Variants in LRMDA observed in about 807,000 individuals in gnomAD.
LRMDA encodes the protein leucine-rich melanocyte differentiation-associated protein.
In LRMDA, 18 loss-of-function variants were observed where a neutral mutation model predicts 29.8. The observed-to-expected ratio is 0.60, with a 90% CI of 0.42 to 0.90. LRMDA has a LOEUF of 0.90. Among genes scored for constraint, LRMDA ranks in the 40% least tolerant of loss-of-function variants. LRMDA has a pLI of 0.00. For synonymous variants in LRMDA, 125 were observed against 109.4 expected (o/e 1.14, Z -0.89); for missense variants, 273 against 273.9 (o/e 1.00, Z 0.02).
intron 2 of LRMDA, among the ~76,000 whole-genome samples, chr10:75,942,067 A>G (rs1356515743): frequency 6.6e-6 from 1 of 152,074 alleles, no homozygotes; most frequent in Non-Finnish European, 1.5e-5. Context: ...CTAACATGTC[A>G]TCCTGCCAGT....
chr10:75,804,311 T>C (rs1006953469), intron 2 of LRMDA, among the ~76,000 whole-genome samples: 6 of 152,248 alleles, frequency 3.9e-5, no homozygotes, highest in African/African-American at 1.4e-4. Flanking sequence ...CCTTGTGGAC[T>C]TGAGCGATGG....
At chr10:76,428,362 CT>C (rs1342682971) in intron 6 of LRMDA, among the ~76,000 whole-genome samples, 2 of 152,096 alleles carry the variant, frequency 1.3e-5, no homozygotes, top group Non-Finnish European at 2.9e-5. Flanking sequence ...GACCTTCATC[CT>C]TGATGCTGGC....
intron 2 of LRMDA, among the ~76,000 whole-genome samples, chr10:75,636,603 CT>C: frequency 6.6e-6 from 1 of 151,652 alleles, no homozygotes; most frequent in East Asian, 1.9e-4. Flanking sequence ...AAAAATTAAG[CT>C]TTTTTGATGA....
Position 76,084,364 on chromosome 10 carries a change from A to ATTTT in LRMDA, c.516+25609_516+25612dup, listed in dbSNP as rs71024586. Among the ~76,000 whole-genome samples the ATTTT allele has an allele frequency of 2.8e-3, 199 of 70,936 alleles. 6 individuals carry two copies. Among genetic ancestry groups the ATTTT allele is most frequent in the Non-Finnish European group, 3.3e-3 (129 of 38,668 alleles). The allele number at this position is 70,936 out of a possible 152,430, so 46.5% of individuals were successfully genotyped here. A position where few individuals can be genotyped will look rare whatever the true frequency, so the allele number is the denominator to read the frequency against. On this transcript the variant is annotated intron_variant, in intron 5 of 6. Coordinates refer to ENST00000611255, the MANE Select transcript of LRMDA (RefSeq NM_001305581.2). ...GGGTATGTGCCACTGCGCCCAGCTA[A>ATTTT]TTTTTTTTTTTTTTTTTTTTTTTTT...
intron 3 of LRMDA, among the ~76,000 whole-genome samples, chr10:76,044,337 G>A (rs1282625639): frequency 6.6e-6 from 1 of 152,168 alleles, no homozygotes; most frequent in African/African-American, 2.4e-5. Flanking sequence ...GGTATTGGAA[G>A]GGGACTTAGG....
At chr10:75,828,883 C>G (rs1389641824) in intron 2 of LRMDA, among the ~76,000 whole-genome samples, 1 of 152,036 alleles carries the variant, frequency 6.6e-6, no homozygotes, top group Non-Finnish European at 1.5e-5. Context: ...GTAATTTATT[C>G]AGCCAGAGAG....
chr10:76,342,748 A>T (rs1841056566), intron 6 of LRMDA, among the ~76,000 whole-genome samples: 1 of 152,182 alleles, frequency 6.6e-6, no homozygotes, highest in African/African-American at 2.4e-5. Flanking sequence ...AATCTACATC[A>T]AGTGGATAAT....
At chr10:76,454,521 A>G (rs915412684) in intron 6 of LRMDA, among the ~76,000 whole-genome samples, 26 of 152,160 alleles carry the variant, frequency 1.7e-4, no homozygotes, top group African/African-American at 5.8e-4. Flanking sequence ...TAAAACCCAC[A>G]TGTTCCTTTA....
intron 6 of LRMDA, among the ~76,000 whole-genome samples, chr10:76,423,682 G>A (rs1842092888): frequency 6.6e-6 from 1 of 152,202 alleles, no homozygotes; most frequent in Non-Finnish European, 1.5e-5. Flanking sequence ...TGCTATTGCT[G>A]CTGTTTGGTA....
chr10:76,508,957 C>G lies in LRMDA; in HGVS notation c.602-48252C>G, dbSNP rs538531750. On this transcript the variant is annotated intron_variant, in intron 6 of 6. Coordinates refer to ENST00000611255, the MANE Select transcript of LRMDA (RefSeq NM_001305581.2). Reference sequence around the variant, plus strand: ...TTCTCTCTGGGATTGGAAAGCTTTTCCAGTGTCTCTGAGTCTTCTTTTCCT... The same window carrying G: ...TTCTCTCTGGGATTGGAAAGCTTTTGCAGTGTCTCTGAGTCTTCTTTTCCT... Among the ~76,000 whole-genome samples the G allele has an allele frequency of 1.7e-4, 26 of 152,228 alleles. No individual in the cohort carries two copies. The South Asian group carries it at 5.4e-3, about 32-fold the overall frequency.
At chr10:76,339,488 T>G (rs1340712601) in intron 6 of LRMDA, among the ~76,000 whole-genome samples, 1 of 151,832 alleles carries the variant, frequency 6.6e-6, no homozygotes, top group Non-Finnish European at 1.5e-5. Context: ...AAACAAGGAA[T>G]AGAAGATAAA....
intron 2 of LRMDA, among the ~76,000 whole-genome samples, chr10:75,779,733 C>A (rs1396285791): frequency 6.6e-6 from 1 of 152,140 alleles, no homozygotes; most frequent in Non-Finnish European, 1.5e-5. Flanking sequence ...AGGGATCTGG[C>A]TGGATGAAGG....
intron 2 of LRMDA, among the ~76,000 whole-genome samples, chr10:75,585,355 G>A (rs1840643933): frequency 6.6e-6 from 1 of 152,210 alleles, no homozygotes; most frequent in African/African-American, 2.4e-5. Flanking sequence ...GCTATACAGT[G>A]TCCCATTGTT....
intron 5 of LRMDA, among the ~76,000 whole-genome samples, chr10:76,223,007 A>T (rs539168820): frequency 6.6e-6 from 1 of 152,052 alleles, no homozygotes. Context: ...TCAGTAAACT[A>T]TTGCAAGAAC....
intron 2 of LRMDA, among the ~76,000 whole-genome samples, chr10:75,705,317 G>A (rs1842353569): frequency 6.6e-6 from 1 of 152,188 alleles, no homozygotes; most frequent in Non-Finnish European, 1.5e-5. Context: ...AGAGGGGAGG[G>A]AGACCCGAGG....
intron 2 of LRMDA, among the ~76,000 whole-genome samples, chr10:75,692,564 C>CGTGTGTGTGT: frequency 7.1e-6 from 1 of 140,266 alleles, no homozygotes; most frequent in South Asian, 2.3e-4. Flanking sequence ...CATATGTATA[C>CGTGTGTGTGT]GTGTGTGTGT....
intron 2 of LRMDA, among the ~76,000 whole-genome samples, chr10:75,482,673 C>T (rs1844866785): frequency 6.6e-6 from 1 of 152,126 alleles, no homozygotes; most frequent in Non-Finnish European, 1.5e-5. Flanking sequence ...TCAACTATGT[C>T]CCTATCGTAG....
intron 5 of LRMDA, among the ~76,000 whole-genome samples, chr10:76,294,797 G>T (rs965687397): frequency 6.6e-6 from 1 of 152,162 alleles, no homozygotes; most frequent in Admixed American, 6.5e-5. Context: ...CAAAGGCATT[G>T]GGATATTTTA....
intron 2 of LRMDA, among the ~76,000 whole-genome samples, chr10:75,961,015 G>A (rs965038079): frequency 2.6e-5 from 4 of 152,118 alleles, no homozygotes; most frequent in Non-Finnish European, 4.4e-5. Context: ...ATAGATTTTA[G>A]GTGTTTCTGT....
Sources: gnomAD v4.1 joint callset for allele counts (sites outside exome capture counted in the v4.1 genomes callset) on GRCh38, gnomAD v4.1.1 for gene constraint, MANE v1.5 for transcripts, NCBI Gene and HGNC (gene_info 2026-07-23, HGNC 2026-07-21) for gene names.